The following SAMD12 variants were observed in gnomAD, a reference collection of about 807,000 sequenced individuals.
SAMD12 encodes the protein sterile alpha motif domain containing 12, also known as sterile alpha motif domain-containing protein 12.
Under a neutral mutation model 15.0 loss-of-function variants are expected in SAMD12, and 9 were observed. The ratio of observed to expected loss-of-function variants is 0.60; its 90% CI spans 0.36 to 1.05. SAMD12 has a LOEUF of 1.05. Among genes scored for constraint, SAMD12 ranks in the 50% least tolerant of loss-of-function variants. SAMD12 has a pLI of 0.01. For missense variants in SAMD12, 230 were observed against 234.2 expected (o/e 0.98, Z 0.12); for synonymous variants, 86 against 90.1 (o/e 0.96, Z 0.25).
At chr8:118,617,934 C>T (rs1346186985) in intron 1 of SAMD12, among the ~76,000 whole-genome samples, 1 of 152,058 alleles carries the variant, frequency 6.6e-6, no homozygotes, top group African/African-American at 2.4e-5. Context: ...ACAGTCTGTC[C>T]ATAGAGAATG....
At chr8:118,251,179 A>G (rs536134234) in intron 4 of SAMD12, among the ~76,000 whole-genome samples, 13 of 152,106 alleles carry the variant, frequency 8.5e-5, no homozygotes, top group Non-Finnish European at 1.6e-4. Context: ...GAAATCAGGA[A>G]AGGCTTTTTG....
rs2131081345 is a variant in SAMD12 at position 118,516,991 on chromosome 8, G to T, written c.192+63724C>A. On this transcript the variant is annotated intron_variant, in intron 2 of 3. Coordinates refer to ENST00000314727, the MANE Select transcript of SAMD12 (RefSeq NM_207506.3). ...TTGATTTTCTAACAGGATTTGTGCAGAGGTGCTATTTCTACAAGTTCCATA... is the reference window on the plus strand; with the variant it reads ...TTGATTTTCTAACAGGATTTGTGCATAGGTGCTATTTCTACAAGTTCCATA... Among the ~76,000 whole-genome samples the T allele has an allele frequency of 2.0e-5, 3 of 152,296 alleles. No homozygotes were observed. In the South Asian group the frequency reaches 6.2e-4, roughly 32 times the overall value.
At chr8:118,240,937 GAATGAGCCCTCT>G (rs1222874722) in intron 4 of SAMD12, among the ~76,000 whole-genome samples, 1 of 152,036 alleles carries the variant, frequency 6.6e-6, no homozygotes, top group Non-Finnish European at 1.5e-5. Context: ...TTACACTGAA[GAATGAGCCCTCT>G]ATCACCCCAT....
At chr8:118,182,476 A>G in the SAMD12 span, among the ~76,000 whole-genome samples, 6 of 152,166 alleles carry the variant, frequency 3.9e-5, no homozygotes, top group African/African-American at 1.4e-4. Context: ...CTATGCCTAC[A>G]TCCTTGTCTT....
intron 4 of SAMD12, among the ~76,000 whole-genome samples, chr8:118,209,666 T>C (rs942185603): frequency 6.6e-6 from 1 of 152,154 alleles, no homozygotes; most frequent in Non-Finnish European, 1.5e-5. Flanking sequence ...AAGCTGAAGG[T>C]TTAATGAGAT....
downstream of SAMD12, among the ~76,000 whole-genome samples, chr8:118,377,684 C>A (rs1819457207): frequency 6.6e-6 from 1 of 152,048 alleles, no homozygotes; most frequent in Non-Finnish European, 1.5e-5. Flanking sequence ...GCATCTAGGG[C>A]AATGAGAGCT....
At chr8:118,197,715 G>A in exon 5 of SAMD12, 1 of 1,613,560 alleles carries the variant, frequency 6.2e-7, no homozygotes. Context: ...CGTGTTTATG[G>A]AGAACCCTCA....
Position 118,228,537 on chromosome 8 carries a change from T to C in SAMD12, c.434-30805A>G, listed in dbSNP as rs552719888. On this transcript the variant is annotated intron_variant, in intron 4 of 4. Transcript: ENST00000409003. ...AATGGCCAATAAACATATGAAAAAA[T>C]GCTCAACATTACTCATGATCAGGGA... Among the ~76,000 whole-genome samples, 3 of 152,154 alleles carry C rather than the reference T, an allele frequency of 2.0e-5. No homozygotes were observed. In the South Asian group the frequency reaches 6.2e-4, roughly 32 times the overall value.
chr8:118,410,903 A>G (rs1821377282), intron 3 of SAMD12, among the ~76,000 whole-genome samples: 1 of 152,184 alleles, frequency 6.6e-6, no homozygotes. Context: ...GTGTTAATAA[A>G]CTAAAACCTA....
At chr8:118,542,824 C>A (rs141628302) in intron 2 of SAMD12, among the ~76,000 whole-genome samples, 1 of 152,126 alleles carries the variant, frequency 6.6e-6, no homozygotes, top group Admixed American at 6.5e-5. Flanking sequence ...AACAGAACCA[C>A]GGACTTCCCA....
chr8:118,378,731 CAAAT>C lies in SAMD12; in HGVS notation c.*682_*685del, dbSNP rs202050040. Reference sequence around the variant, plus strand: ...ATGTACAATGGACGCTAAAATAAAACAAATAAAGTTTATAGCCAATGAAGGTTGA... The same window carrying C: ...ATGTACAATGGACGCTAAAATAAAACAAAGTTTATAGCCAATGAAGGTTGA... On this transcript the variant is annotated 3_prime_UTR_variant, in exon 4 of 4. Transcript: ENST00000314727. The C allele has an allele frequency of 0.017, 16,847 of 984,756 alleles. 164 individuals carry two copies. Among genetic ancestry groups the C allele is most frequent in the Non-Finnish European group, 0.019 (15,839 of 829,400 alleles). The allele number at this position is 984,756 out of a possible 1,614,324, so 61.0% of individuals were successfully genotyped here. A position where few individuals can be genotyped will look rare whatever the true frequency, so the allele number is the denominator to read the frequency against.
At position 118,378,628 on chromosome 8, in the gene SAMD12, C is replaced by T. The variant is rs1586631299; in HGVS notation, c.*789G>A. On this transcript the variant is annotated 3_prime_UTR_variant, in exon 4 of 4. Transcript: ENST00000314727. ...GATTTCTCCAATATCGGTATGCATG[C>T]AATTACAATATTCTGCAGAATGACA... 1 of 984,944 alleles carries T rather than the reference C, an allele frequency of 1.0e-6. No individual in the cohort carries two copies. Among genetic ancestry groups the T allele is most frequent in the African/African-American group, 1.7e-5 (1 of 57,328 alleles). The allele number at this position is 984,944 out of a possible 1,614,324, so 61.0% of individuals were successfully genotyped here.
rs981944048 is a variant in SAMD12 at position 118,379,207 on chromosome 8, T to G, written c.*210A>C. 11 of 1,390,288 alleles carry G rather than the reference T, an allele frequency of 7.9e-6. No homozygotes were observed. In the African/African-American group the frequency reaches 1.6e-4, roughly 20 times the overall value. 86.1% of individuals were successfully genotyped at this position (1,390,288 alleles called of 1,614,324 possible). On this transcript the variant is annotated 3_prime_UTR_variant, in exon 4 of 4. Coordinates refer to ENST00000314727, the MANE Select transcript of SAMD12 (RefSeq NM_207506.3). The stretch of plus-strand genomic sequence containing the variant: ...TAGCTACAGCTGGACTGTACAGTTG[T>G]GCAGGCTGCACATTATACAACTCTA...
intron 3 of SAMD12, among the ~76,000 whole-genome samples, chr8:118,392,513 C>T (rs1820339133): frequency 6.6e-6 from 1 of 152,206 alleles, no homozygotes; most frequent in African/African-American, 2.4e-5. Context: ...GGTAAGAGGT[C>T]ACCCAAGACC....
intron 3 of SAMD12, among the ~76,000 whole-genome samples, chr8:118,382,966 G>A (rs1469005586): frequency 6.6e-6 from 1 of 152,038 alleles, no homozygotes; most frequent in East Asian, 1.9e-4. Context: ...GAAAATTTTT[G>A]TAATAATTAA....
At chr8:118,166,485 A>G in the SAMD12 span, among the ~76,000 whole-genome samples, 1 of 152,176 alleles carries the variant, frequency 6.6e-6, no homozygotes, top group African/African-American at 2.4e-5. Flanking sequence ...ATATCGCTTC[A>G]TGTTCATTTC....
Position 118,439,945 on chromosome 8 carries a change from AGCTTCACCGTAG to A in SAMD12, c.197_208del (p.Ala66_Leu70delinsVal), listed in dbSNP as rs1822687722. 3.7e-6 allele frequency: 6 copies of A among 1,613,594 alleles called. No individual in the cohort carries two copies. Among genetic ancestry groups the A allele is most frequent in the Non-Finnish European group, 5.1e-6 (6 of 1,179,702 alleles). ...GGTCCATAGAGCCACCGGTTTAGAT[AGCTTCACCGTAG>A]CTGACTATAAATAAAGAAGGAAGAT... On this transcript the variant is annotated inframe_deletion, in exon 3 of 4. Coordinates refer to ENST00000314727, the MANE Select transcript of SAMD12 (RefSeq NM_207506.3).
At chr8:118,271,666 G>A (rs1035648102) in intron 4 of SAMD12, among the ~76,000 whole-genome samples, 5 of 152,160 alleles carry the variant, frequency 3.3e-5, no homozygotes, top group Non-Finnish European at 4.4e-5. Context: ...AAAGGCATTG[G>A]GTAAATACAA....
chr8:118,397,427 G>A (rs1161890271), intron 3 of SAMD12, among the ~76,000 whole-genome samples: 1 of 152,090 alleles, frequency 6.6e-6, no homozygotes, highest in Non-Finnish European at 1.5e-5. Context: ...TGATAAATCT[G>A]GCAAGGTGGA....
Sources: gnomAD v4.1 joint callset for allele counts (sites outside exome capture counted in the v4.1 genomes callset) on GRCh38, gnomAD v4.1.1 for gene constraint, MANE v1.5 for transcripts, NCBI Gene and HGNC (gene_info 2026-07-23, HGNC 2026-07-21) for gene names.